The following PCM1 variants were observed in gnomAD, a reference collection of about 807,000 sequenced individuals.
PCM1 encodes pericentriolar material 1 protein.
PCM1 carries 157 observed loss-of-function variants against 241.9 expected under a neutral mutation model. The ratio of observed to expected loss-of-function variants is 0.65; its 90% CI spans 0.57 to 0.74. The LOEUF is 0.74. PCM1 is among the 30% of genes least tolerant of loss of function. The pLI, the probability that PCM1 is intolerant of heterozygous loss-of-function variation, is 0.00. For synonymous variants in PCM1, 1,085 were observed against 784.9 expected, an observed-to-expected ratio of 1.38 and a Z score of -6.39; for missense variants, 3,478 against 2,360.1, an observed-to-expected ratio of 1.47 and a Z score of -9.81.
At chr8:17,933,625 G>C (rs2059636063) in intron 2 of PCM1, among the ~76,000 whole-genome samples, 1 of 152,048 alleles carries the variant, frequency 6.6e-6, no homozygotes, top group Non-Finnish European at 1.5e-5. Flanking sequence ...TCTTGACATA[G>C]AGCCAAATTA....
chr8:17,979,086 T>C (rs1382006181), intron 23 of PCM1, among the ~76,000 whole-genome samples: 1 of 150,598 alleles, frequency 6.6e-6, no homozygotes, highest in Non-Finnish European at 1.5e-5. Flanking sequence ...ACTGTGTCAC[T>C]GTACTTGAGC....
intron 29 of PCM1, among the ~76,000 whole-genome samples, chr8:17,997,683 C>CT (rs2087410738): frequency 6.6e-6 from 1 of 151,822 alleles, no homozygotes; most frequent in South Asian, 2.1e-4. Context: ...CTGCTTGATT[C>CT]TTTTAAATTA....
chr8:17,996,476 G>C (rs927603992), intron 29 of PCM1, among the ~76,000 whole-genome samples: 1 of 151,862 alleles, frequency 6.6e-6, no homozygotes, highest in Non-Finnish European at 1.5e-5. Flanking sequence ...GATATTATTT[G>C]GGTTTTTTGT....
Position 17,948,931 on chromosome 8 carries a change from C to T in PCM1, c.961+1568C>T, listed in dbSNP as rs1192234946. ...TTCTAGGTTAGTCAGAGCTTTAATT[C>T]TTATTTCTGTTTTATAGAGAAGGAA... On this transcript the variant is annotated intron_variant, in intron 7 of 38. Transcript: ENST00000325083. Among the ~76,000 whole-genome samples the T allele has an allele frequency of 2.0e-5, 3 of 152,046 alleles. No homozygotes were observed. The East Asian group carries it at 5.8e-4, about 29-fold the overall frequency.
intron 31 of PCM1, among the ~76,000 whole-genome samples, 153 bp downstream of exon 31, chr8:18,009,897 C>T (rs908526498): frequency 6.6e-6 from 1 of 152,144 alleles, no homozygotes; most frequent in Non-Finnish European, 1.5e-5. Flanking sequence ...ATATGCTAGT[C>T]ACTTGTGGAA....
At chr8:17,950,584 C>A in intron 7 of PCM1, 31 bp from the exon 8 acceptor site, 1 of 1,031,610 alleles carries the variant, frequency 9.7e-7, no homozygotes, top group Non-Finnish European at 1.5e-6. Flanking sequence ...TGATTATTTA[C>A]ATTAATCAGT....
intron 6 of PCM1, among the ~76,000 whole-genome samples, chr8:17,946,144 A>AT (rs1340156979): frequency 2.0e-5 from 3 of 152,154 alleles, no homozygotes; most frequent in Admixed American, 6.5e-5. Context: ...AAATTTCATC[A>AT]TTTTTTGTAA....
At chr8:17,953,708 C>G (rs976820289) in intron 9 of PCM1, among the ~76,000 whole-genome samples, 6 of 152,170 alleles carry the variant, frequency 3.9e-5, no homozygotes, top group East Asian at 1.9e-4. Flanking sequence ...TCATCTCAAG[C>G]AGGTATAACT....
At position 17,943,804 on chromosome 8, in the gene PCM1, C is replaced by G. The variant is rs529646516; in HGVS notation, c.784-3382C>G. The stretch of plus-strand genomic sequence containing the variant: ...AACTGTCATTCTTACCACCCCACCC[C>G]TGTTTCCTCCTTAGAATCTTTTCAA... On this transcript the variant is annotated intron_variant, in intron 6 of 38. Transcript: ENST00000325083. Among the ~76,000 whole-genome samples the G allele has an allele frequency of 1.5e-4, 23 of 152,248 alleles. No homozygotes were observed. The South Asian group carries it at 4.6e-3, about 30-fold the overall frequency.
intron 23 of PCM1, among the ~76,000 whole-genome samples, chr8:17,978,267 A>G (rs1418283369): frequency 3.9e-5 from 6 of 152,272 alleles, no homozygotes; most frequent in South Asian, 2.1e-4. Context: ...GAGACTTACA[A>G]GAAGTTCTGA....
At chr8:18,015,626 C>A (rs931439282) in intron 36 of PCM1, 1 of 152,070 alleles carries the variant, frequency 6.6e-6, no homozygotes, top group Non-Finnish European at 1.5e-5. Flanking sequence ...AACACTAAAT[C>A]TCTTTTGGTC....
intron 29 of PCM1, among the ~76,000 whole-genome samples, chr8:18,001,959 G>A (rs1365619997): frequency 2.4e-5 from 3 of 126,250 alleles, no homozygotes; most frequent in Non-Finnish European, 4.8e-5. Context: ...GTTCCTAAAT[G>A]GCCTTACTAT....
At position 17,937,309 on chromosome 8, in the gene PCM1, A is replaced by G. The variant is rs1257764941; in HGVS notation, c.272A>G (p.Gln91Arg). 1.9e-6 allele frequency: 3 copies of G among 1,609,084 alleles called. No individual in the cohort carries two copies. In the African/African-American group the frequency reaches 4.0e-5, roughly 21 times the overall value. Residue 91 changes from glutamine (Q) to arginine (R), a missense_variant, in exon 4 of 39, where the codon CAG becomes CGG. Transcript: ENST00000325083. Reference protein sequence around the residue: ...HTFPHSRYMSQMSVPEQAELE... With the variant: ...HTFPHSRYMSRMSVPEQAELE... ...TTCCCACACAGTAGATACATGAGTCAGATGTCTGTCCCAGAGCAGGCAGAA... is the reference window on the plus strand; with the variant it reads ...TTCCCACACAGTAGATACATGAGTCGGATGTCTGTCCCAGAGCAGGCAGAA...
intron 29 of PCM1, among the ~76,000 whole-genome samples, chr8:17,994,540 G>A (rs1249804334): frequency 1.3e-5 from 2 of 152,088 alleles, no homozygotes; most frequent in Non-Finnish European, 2.9e-5. Context: ...TTTCTTTTCT[G>A]TATATACCCA....
intron 37 of PCM1, 31 bp from the exon 38 acceptor site, chr8:18,025,513 A>C: frequency 6.5e-7 from 1 of 1,537,684 alleles, no homozygotes; most frequent in East Asian, 2.3e-5. Context: ...AAAATGAAAA[A>C]TGATTTGTAT....
At chr8:17,928,963 C>G (rs574708424) in intron 2 of PCM1, among the ~76,000 whole-genome samples, 1 of 152,138 alleles carries the variant, frequency 6.6e-6, no homozygotes, top group African/African-American at 2.4e-5. Context: ...AAATTGTAAA[C>G]GTACTCAAGA....
rs34325017 is a variant in PCM1 at position 17,957,415 on chromosome 8, T to C, written c.1798T>C (p.Ser600Pro). The change falls in exon 12 of 39, where the codon TCT becomes CCT. Residue 600 changes from serine (S) to proline (P), a missense_variant. Ser to Pro is a moderately conservative substitution (Grantham distance 74, BLOSUM62 -1). Coordinates refer to ENST00000325083, the MANE Select transcript of PCM1 (RefSeq NM_006197.4). ...CATAAGGGCTCTAAACATGCCTCCT[T>C]CTTTAGGTATGACTGACTGTATTTA... is the stretch of plus-strand genomic sequence containing the variant. ...ANIRALNMPP[S>P]LDCRYNREGE... The C allele has an allele frequency of 6.1e-4, 981 of 1,612,186 alleles. 2 individuals carry two copies. In the African/African-American group the frequency reaches 0.01, roughly 17 times the overall value.
At chr8:18,000,926 T>C (rs940588977) in intron 29 of PCM1, among the ~76,000 whole-genome samples, 1 of 152,222 alleles carries the variant, frequency 6.6e-6, no homozygotes, top group Admixed American at 6.5e-5. Flanking sequence ...TATTTTGTAC[T>C]TTAAAATTGA....
In PCM1 at chr8:18,009,544, T is replaced by C. The variant is rs770998510; in HGVS notation, c.4963-3T>C. ...AAAAATTATTTGGTTTATCTTTGAATAGGATTCACTGGCAAAATTTGCTGG... is the reference window on the plus strand; with the variant it reads ...AAAAATTATTTGGTTTATCTTTGAACAGGATTCACTGGCAAAATTTGCTGG... On this transcript the variant is annotated splice_polypyrimidine_tract_variant and splice_region_variant and intron_variant, in intron 30 of 38. Transcript: ENST00000325083. 28 of 1,581,164 alleles carry C rather than the reference T, an allele frequency of 1.8e-5. No homozygotes were observed. The highest frequency in any genetic ancestry group is 1.5e-4 in the South Asian group (13 of 86,690).
Sources: allele counts gnomAD v4.1 joint callset (sites outside exome capture counted in the v4.1 genomes callset), GRCh38; gene constraint gnomAD v4.1.1; transcripts MANE v1.5; gene names NCBI Gene and HGNC (gene_info 2026-07-23, HGNC 2026-07-21).